The following TEAD1 variants were observed in gnomAD, a reference collection of about 807,000 sequenced individuals.
TEAD1 encodes the protein TEA domain transcription factor 1.
Under a neutral mutation model 54.9 loss-of-function variants are expected in TEAD1, and 9 were observed. The observed-to-expected ratio is 0.16, with a 90% CI of 0.10 to 0.29. TEAD1 has a LOEUF of 0.29. TEAD1 is among the 10% of genes least tolerant of loss of function. The probability of loss-of-function intolerance (pLI) is 1.00; values close to 1 mark genes in which losing one functional copy is unlikely to be tolerated. For missense variants in TEAD1, 387 were observed against 535.9 expected, an observed-to-expected ratio of 0.72 and a Z score of 2.74; for synonymous variants, 200 against 187.8, an observed-to-expected ratio of 1.07 and a Z score of -0.53.
chr11:12,714,751 C>T (rs1210283802), intron 2 of TEAD1, among the ~76,000 whole-genome samples: 1 of 152,168 alleles, frequency 6.6e-6, no homozygotes, highest in African/African-American at 2.4e-5. Flanking sequence ...GGTTTGATTT[C>T]TTCCGAGGCC....
At chr11:12,704,901 A>T (rs1347710717) in intron 2 of TEAD1, among the ~76,000 whole-genome samples, 1 of 152,236 alleles carries the variant, frequency 6.6e-6, no homozygotes, top group Admixed American at 6.5e-5. Flanking sequence ...TACACTGTCA[A>T]AAATAAAATA....
intron 2 of TEAD1, among the ~76,000 whole-genome samples, chr11:12,740,811 G>T (rs923619146): frequency 5.9e-5 from 9 of 152,066 alleles, no homozygotes; most frequent in African/African-American, 2.2e-4. Flanking sequence ...TGAGATTTGG[G>T]TGGGGACGCA....
chr11:12,721,811 A>G (rs979883479), intron 2 of TEAD1, among the ~76,000 whole-genome samples: 13 of 151,648 alleles, frequency 8.6e-5, no homozygotes, highest in African/African-American at 2.7e-4. Context: ...AAATATACCC[A>G]CTCCTCAAGC....
chr11:12,719,949 G>GTTTTTTTTTT (rs1200965763), intron 2 of TEAD1, among the ~76,000 whole-genome samples: 6 of 40,010 alleles, frequency 1.5e-4, no homozygotes, highest in Non-Finnish European at 2.6e-4. Flanking sequence ...GAAATCTAAT[G>GTTTTTTTTTT]TTTTTTTTTT....
At position 12,941,175 on chromosome 11, in the gene TEAD1, C is replaced by T. The variant is rs1387213063; in HGVS notation, c.*3953C>T. 6.6e-6 allele frequency: 1 copy of T among 152,218 alleles called. No individual in the cohort carries two copies. Among genetic ancestry groups the T allele is most frequent in the African/African-American group, 2.4e-5 (1 of 41,418 alleles). 9.4% of individuals were successfully genotyped at this position (152,218 alleles called of 1,614,324 possible). A position where few individuals can be genotyped will look rare whatever the true frequency, so the allele number is the denominator to read the frequency against. ...AAGAGATGGGGAGATTCAGGATCCC[C>T]CTGTGCCAGAGCACAGCCTCACCGG... On this transcript the variant is annotated 3_prime_UTR_variant, in exon 13 of 13. Transcript: ENST00000527636.
At chr11:12,784,474 C>G (rs1372639673) in intron 3 of TEAD1, among the ~76,000 whole-genome samples, 1 of 152,074 alleles carries the variant, frequency 6.6e-6, no homozygotes, top group Non-Finnish European at 1.5e-5. Context: ...AGGGAAAGGA[C>G]AGAAAGGAAG....
chr11:12,681,383 C>T (rs952605643), intron 2 of TEAD1, among the ~76,000 whole-genome samples: 4 of 151,980 alleles, frequency 2.6e-5, no homozygotes, highest in African/African-American at 9.7e-5. Context: ...TAAATTTTAC[C>T]TTAGCCGTAA....
intron 10 of TEAD1, among the ~76,000 whole-genome samples, chr11:12,903,491 G>C (rs974376659): frequency 6.6e-6 from 1 of 152,198 alleles, no homozygotes; most frequent in African/African-American, 2.4e-5. Context: ...ATGATAACTA[G>C]ATTTCATTTT....
chr11:12,820,623 G>A (rs1171954900), intron 3 of TEAD1, among the ~76,000 whole-genome samples: 1 of 152,152 alleles, frequency 6.6e-6, no homozygotes, highest in Non-Finnish European at 1.5e-5. Flanking sequence ...GAGAGGAAAT[G>A]CGATTATACA....
chr11:12,827,180 G>A (rs1361796341), intron 3 of TEAD1, among the ~76,000 whole-genome samples: 1 of 152,182 alleles, frequency 6.6e-6, no homozygotes. Flanking sequence ...TATCAGCAGT[G>A]GACTATGCCT....
chr11:12,744,917 T>A (rs997001791), intron 2 of TEAD1, among the ~76,000 whole-genome samples: 3 of 152,160 alleles, frequency 2.0e-5, no homozygotes, highest in Non-Finnish European at 4.4e-5. Context: ...CTAATGGGCT[T>A]GTTGAAAGGT....
At chr11:12,825,455 G>T (rs1426449649) in intron 3 of TEAD1, among the ~76,000 whole-genome samples, 1 of 152,142 alleles carries the variant, frequency 6.6e-6, no homozygotes, top group African/African-American at 2.4e-5. Flanking sequence ...CAAGCAATCT[G>T]AAACCCACAT....
chr11:12,938,937 G>C lies in TEAD1; in HGVS notation c.*1715G>C, dbSNP rs1949134782. The C allele has an allele frequency of 6.6e-6, 1 of 152,202 alleles. No individual in the cohort carries two copies. Among genetic ancestry groups the C allele is most frequent in the African/African-American group, 2.4e-5 (1 of 41,432 alleles). The allele number at this position is 152,202 out of a possible 1,614,324, so 9.4% of individuals were successfully genotyped here. On this transcript the variant is annotated 3_prime_UTR_variant, in exon 13 of 13. Coordinates refer to ENST00000527636, the MANE Select transcript of TEAD1 (RefSeq NM_021961.6). ...ACCAAGCTAGAAAATAAAAAACTTA[G>C]TTCTACCACATCCAATTAACTTACA...
chr11:12,919,047 C>T (rs1186244193), intron 10 of TEAD1, among the ~76,000 whole-genome samples: 1 of 152,126 alleles, frequency 6.6e-6, no homozygotes, highest in African/African-American at 2.4e-5. Context: ...GGTGCTGGCT[C>T]ACTTGATGAA....
At position 12,714,879 on chromosome 11, in the gene TEAD1, C is replaced by T. The variant is rs60774045; in HGVS notation, c.-55+39318C>T. Among the ~76,000 whole-genome samples the T allele has an allele frequency of 3.3e-5, 5 of 151,992 alleles. No homozygotes were observed. In the East Asian group the frequency reaches 5.8e-4, roughly 18 times the overall value. On this transcript the variant is annotated intron_variant, in intron 2 of 12. Transcript: ENST00000527636. The stretch of plus-strand genomic sequence containing the variant: ...CTCTTGTAAGGACACCAGTCACACT[C>T]GGTTAGGGCCCACCTTGTTAATCAC...
At chr11:12,794,243 T>C (rs1190391816) in intron 3 of TEAD1, among the ~76,000 whole-genome samples, 1 of 152,204 alleles carries the variant, frequency 6.6e-6, no homozygotes, top group Non-Finnish European at 1.5e-5. Context: ...CCAGTACATG[T>C]TCATTAATTA....
intron 3 of TEAD1, among the ~76,000 whole-genome samples, chr11:12,768,373 A>G (rs887411843): frequency 6.6e-6 from 1 of 152,236 alleles, no homozygotes; most frequent in Non-Finnish European, 1.5e-5. Flanking sequence ...TCTAGCATAT[A>G]GTGAGAGGTA....
chr11:12,720,950 A>T (rs1944183050), intron 2 of TEAD1, among the ~76,000 whole-genome samples: 1 of 152,162 alleles, frequency 6.6e-6, no homozygotes, highest in African/African-American at 2.4e-5. Flanking sequence ...TCAGAAGTTA[A>T]CTCATCCAGC....
At chr11:12,708,961 A>G (rs1943875575) in intron 2 of TEAD1, among the ~76,000 whole-genome samples, 1 of 152,334 alleles carries the variant, frequency 6.6e-6, no homozygotes, top group Middle Eastern at 3.4e-3. Flanking sequence ...GCGATCATCA[A>G]ATGCTAATAG....
Sources: gnomAD v4.1 joint callset for allele counts (sites outside exome capture counted in the v4.1 genomes callset) on GRCh38, gnomAD v4.1.1 for gene constraint, MANE v1.5 for transcripts, NCBI Gene and HGNC (gene_info 2026-07-23, HGNC 2026-07-21) for gene names.